GRHL2: variants seen among roughly 807,000 people sequenced by gnomAD.
GRHL2 encodes grainyhead-like protein 2 homolog.
A neutral mutation model predicts 83.8 loss-of-function variants in GRHL2; 21 were observed. That is an observed-to-expected ratio of 0.25 (90% confidence interval 0.18 to 0.36). The LOEUF (loss-of-function observed/expected upper bound fraction) is 0.36, where lower values mean the gene tolerates loss of function less well. GRHL2 is among the 10% of genes least tolerant of loss of function. GRHL2 has a pLI of 1.00. For synonymous variants in GRHL2, 280 were observed against 278.9 expected, an observed-to-expected ratio of 1.00 and a Z score of -0.04; for missense variants, 623 against 781.8, an observed-to-expected ratio of 0.80 and a Z score of 2.42.
chr8:101,562,869 A>G (rs1444769349), intron 4 of GRHL2, among the ~76,000 whole-genome samples: 1 of 152,120 alleles, frequency 6.6e-6, no homozygotes, highest in East Asian at 1.9e-4. Context: ...AGAAGGAGAG[A>G]ATGTGTGGTT....
chr8:101,538,058 A>T (rs2130105119), intron 1 of GRHL2, among the ~76,000 whole-genome samples: 1 of 152,350 alleles, frequency 6.6e-6, no homozygotes, highest in Non-Finnish European at 1.5e-5. Context: ...AATGGTTTAG[A>T]ACGGGGTTTC....
chr8:101,498,236 A>G (rs1390207217), intron 1 of GRHL2, among the ~76,000 whole-genome samples: 2 of 152,208 alleles, frequency 1.3e-5, no homozygotes, highest in Non-Finnish European at 2.9e-5. Context: ...CTCCTGCCTC[A>G]GCCTCCCCAG....
At chr8:101,677,467 T>C in the GRHL2 span, among the ~76,000 whole-genome samples, 1 of 151,970 alleles carries the variant, frequency 6.6e-6, no homozygotes, top group African/African-American at 2.4e-5. Context: ...CTTGGTTCTA[T>C]GTTCGGCTGC....
chr8:101,597,257 A>C (rs985483459), intron 7 of GRHL2, among the ~76,000 whole-genome samples: 3 of 152,190 alleles, frequency 2.0e-5, no homozygotes, highest in African/African-American at 7.2e-5. Context: ...TGTCTGTACC[A>C]GAGAGCAGAG....
chr8:101,542,748 T>G, intron 1 of GRHL2: 3 of 456,622 alleles, frequency 6.6e-6, no homozygotes, highest in South Asian at 4.6e-5. Context: ...GGGCAGCATC[T>G]GACCAAGGAC....
chr8:101,586,383 G>A (rs1812172052), intron 7 of GRHL2, among the ~76,000 whole-genome samples: 1 of 151,882 alleles, frequency 6.6e-6, no homozygotes, highest in Admixed American at 6.6e-5. Flanking sequence ...CCAACCTCTT[G>A]TTTGACCCAT....
chr8:101,631,599 A>G, intron 9 of GRHL2, 38 bp from the exon 10 acceptor site: 1 of 1,529,312 alleles, frequency 6.5e-7, no homozygotes, highest in Non-Finnish European at 9.0e-7. Flanking sequence ...CTCTGCTAAT[A>G]TGCCTGGCAT....
chr8:101,537,957 C>T (rs1811079796), intron 1 of GRHL2, among the ~76,000 whole-genome samples: 1 of 152,100 alleles, frequency 6.6e-6, no homozygotes, highest in Non-Finnish European at 1.5e-5. Flanking sequence ...TCTCTACAAA[C>T]CCTTGTGTCT....
At chr8:101,621,026 G>A (rs1384619388) in intron 9 of GRHL2, among the ~76,000 whole-genome samples, 2 of 151,996 alleles carry the variant, frequency 1.3e-5, no homozygotes, top group East Asian at 1.9e-4. Context: ...AAGATGGGAC[G>A]GGATACAGAG....
At chr8:101,674,658 A>C (rs1814266420), downstream of GRHL2, among the ~76,000 whole-genome samples, 1 of 152,208 alleles carries the variant, frequency 6.6e-6, no homozygotes, top group Non-Finnish European at 1.5e-5. Context: ...ATTTCTTCTG[A>C]AACTATTCCA....
At chr8:101,595,002 A>C (rs1398415113) in intron 7 of GRHL2, among the ~76,000 whole-genome samples, 1 of 152,240 alleles carries the variant, frequency 6.6e-6, no homozygotes, top group African/African-American at 2.4e-5. Context: ...TGTTTTGGGC[A>C]TACAAAAGCA....
chr8:101,514,298 A>C (rs1183441630), intron 1 of GRHL2, among the ~76,000 whole-genome samples: 1 of 152,178 alleles, frequency 6.6e-6, no homozygotes, highest in Non-Finnish European at 1.5e-5. Context: ...AAACAAAGAG[A>C]CTTTGTCTCA....
At chr8:101,657,015 G>A (rs1204781028) in intron 14 of GRHL2, among the ~76,000 whole-genome samples, 1 of 152,164 alleles carries the variant, frequency 6.6e-6, no homozygotes, top group East Asian at 1.9e-4. Context: ...GCTAGCTGAT[G>A]TCTACAAAGA....
intron 8 of GRHL2, among the ~76,000 whole-genome samples, chr8:101,615,020 GTGT>G (rs1812825838): frequency 2.0e-5 from 3 of 152,280 alleles, no homozygotes; most frequent in Admixed American, 2.0e-4. Context: ...GCAGATTCTT[GTGT>G]TGTTTACTTT....
rs1228892675 is a variant in GRHL2, at chr8:101,669,147, G to A, written c.*2444G>A. 6.6e-6 allele frequency: 1 copy of A among 151,876 alleles called. No individual in the cohort carries two copies. The highest frequency in any genetic ancestry group is 1.5e-5 in the Non-Finnish European group (1 of 67,990). 9.4% of individuals were successfully genotyped at this position (151,876 alleles called of 1,614,324 possible). On this transcript the variant is annotated 3_prime_UTR_variant, in exon 16 of 16. Coordinates refer to ENST00000646743, the MANE Select transcript of GRHL2 (RefSeq NM_024915.4). Reference sequence around the variant, plus strand: ...AATTTCCTGAGCGAAACACTCCAAAGAGATAGGAAAACTTGCCGCCTCTTC... The same window carrying A: ...AATTTCCTGAGCGAAACACTCCAAAAAGATAGGAAAACTTGCCGCCTCTTC...
chr8:101,585,994 C>T (rs1055979205), intron 7 of GRHL2, among the ~76,000 whole-genome samples: 1 of 151,824 alleles, frequency 6.6e-6, no homozygotes, highest in African/African-American at 2.4e-5. Flanking sequence ...TCCCCAGCTC[C>T]AGTCCCTGAT....
chr8:101,612,012 C>T lies in GRHL2; in HGVS notation c.1099-7527C>T, dbSNP rs771894726. ...CTTTCTCTTTTTTGAGATGGAGTCTCGCTCGCTCTGTCACCTAGGCTGGAT... is the reference window on the plus strand; with the variant it reads ...CTTTCTCTTTTTTGAGATGGAGTCTTGCTCGCTCTGTCACCTAGGCTGGAT... On this transcript the variant is annotated intron_variant, in intron 8 of 15. Coordinates refer to ENST00000646743, the MANE Select transcript of GRHL2 (RefSeq NM_024915.4). Among the ~76,000 whole-genome samples the T allele has an allele frequency of 3.3e-5, 5 of 150,830 alleles. No individual in the cohort carries two copies. The East Asian group carries it at 5.8e-4, about 18-fold the overall frequency.
At chr8:101,672,523 A>G (rs1047631008), downstream of GRHL2, among the ~76,000 whole-genome samples, 3 of 151,800 alleles carry the variant, frequency 2.0e-5, no homozygotes, top group African/African-American at 7.3e-5. Flanking sequence ...AAGAAGAAAC[A>G]AACAAAGCCT....
the GRHL2 span, among the ~76,000 whole-genome samples, chr8:101,677,733 T>C: frequency 6.6e-6 from 1 of 152,086 alleles, no homozygotes; most frequent in Admixed American, 6.5e-5. Flanking sequence ...GAAATAAGGC[T>C]GGGATGCTCT....
Sources: gnomAD v4.1 joint callset for allele counts (sites outside exome capture counted in the v4.1 genomes callset) on GRCh38, gnomAD v4.1.1 for gene constraint, MANE v1.5 for transcripts, NCBI Gene and HGNC (gene_info 2026-07-23, HGNC 2026-07-21) for gene names.